HTR1D: variants seen among roughly 807,000 people sequenced by gnomAD.
HTR1D encodes the protein 5-hydroxytryptamine receptor 1D.
Under a neutral mutation model 21.1 loss-of-function variants are expected in HTR1D, and 18 were observed. That is an observed-to-expected ratio of 0.85 (90% CI 0.59 to 1.27). The LOEUF is 1.27. Among genes scored for constraint, HTR1D ranks in the 50% most tolerant of loss-of-function variants. HTR1D has a pLI of 0.00. For missense variants in HTR1D, 456 were observed against 481.4 expected, an observed-to-expected ratio of 0.95 and a Z score of 0.49; for synonymous variants, 196 against 204.4, an observed-to-expected ratio of 0.96 and a Z score of 0.35.
chr1:23,201,193 G>A (rs901306030), intron 1 of HTR1D, among the ~76,000 whole-genome samples: 1 of 152,198 alleles, frequency 6.6e-6, no homozygotes, highest in Non-Finnish European at 1.5e-5. Flanking sequence ...GAAGATGGGG[G>A]AAGATAAATC....
At chr1:23,198,708 T>A (rs570075715) in intron 1 of HTR1D, among the ~76,000 whole-genome samples, 6 of 152,268 alleles carry the variant, frequency 3.9e-5, no homozygotes, top group African/African-American at 1.2e-4. Context: ...CATACCAAAA[T>A]GGTGATTGTC....
intron 1 of HTR1D, among the ~76,000 whole-genome samples, chr1:23,215,655 C>G (rs1644770964): frequency 6.6e-6 from 1 of 152,294 alleles, no homozygotes; most frequent in Admixed American, 6.5e-5. Flanking sequence ...AGGGATGAGC[C>G]AGTGGTCCCG....
intron 1 of HTR1D, among the ~76,000 whole-genome samples, chr1:23,216,893 C>A (rs1226892841): frequency 6.6e-6 from 1 of 152,132 alleles, no homozygotes; most frequent in Non-Finnish European, 1.5e-5. Flanking sequence ...TCCGCGGCGC[C>A]GCGCCCGAAC....
At chr1:23,195,499 C>T (rs1183065445) in intron 1 of HTR1D, among the ~76,000 whole-genome samples, 3 of 151,654 alleles carry the variant, frequency 2.0e-5, no homozygotes, top group Non-Finnish European at 4.4e-5. Context: ...AGTGCAGTGA[C>T]GCAATCTCGG....
intron 1 of HTR1D, among the ~76,000 whole-genome samples, chr1:23,207,009 C>T (rs545596235): frequency 1.3e-5 from 2 of 152,258 alleles, no homozygotes; most frequent in African/African-American, 2.4e-5. Flanking sequence ...GTTCCTCCTC[C>T]GAGCCTCAGT....
chr1:23,196,355 AAT>A (rs1449051905), intron 1 of HTR1D, among the ~76,000 whole-genome samples: 1 of 151,818 alleles, frequency 6.6e-6, no homozygotes, highest in Non-Finnish European at 1.5e-5. Context: ...GAGGCAGGGG[AAT>A]TGCTTGAACC....
At chr1:23,203,174 C>G (rs1019122702) in intron 1 of HTR1D, among the ~76,000 whole-genome samples, 1 of 152,170 alleles carries the variant, frequency 6.6e-6, no homozygotes, top group Non-Finnish European at 1.5e-5. Flanking sequence ...GCTGGGATTA[C>G]AGGCATCAGC....
At chr1:23,204,178 T>G (rs977023467) in intron 1 of HTR1D, among the ~76,000 whole-genome samples, 2 of 151,562 alleles carry the variant, frequency 1.3e-5, no homozygotes, top group Non-Finnish European at 2.9e-5. Flanking sequence ...CAGGCTGGAG[T>G]GCAGTGGCAC....
Position 23,193,861 on chromosome 1 carries a change from G to C in HTR1D, c.359C>G (p.Thr120Arg). ...ATGCAGGATGGAGGCTGTGCAGCAC[G>C]TGATGTCAGAGGACAGCCAGATGTC... ...LCDIWLSSDI[T>R]CCTASILHLC... The change falls in exon 2 of 2, where the codon ACG becomes AGG. Residue 120 changes from threonine to arginine, a missense_variant. Thr to Arg is a moderately conservative substitution (Grantham distance 71). Transcript: ENST00000374619. 1 of 1,614,232 alleles carries C rather than the reference G, an allele frequency of 6.2e-7. No individual in the cohort carries two copies. The highest frequency in any genetic ancestry group is 1.1e-5 in the South Asian group (1 of 91,082).
chr1:23,200,034 G>GAAAATCTCATATATTCTCAATCTCAA (rs1644704064), intron 1 of HTR1D, among the ~76,000 whole-genome samples: 1 of 152,042 alleles, frequency 6.6e-6, no homozygotes, highest in Non-Finnish European at 1.5e-5. Flanking sequence ...AATCTATTTT[G>GAAAATCTCATATATTCTCAATCTCAA]TATATTATGA....
At position 23,193,246 on chromosome 1, in the gene HTR1D, G is replaced by C; in HGVS notation, c.974C>G (p.Pro325Arg). The C allele has an allele frequency of 1.2e-6, 2 of 1,614,162 alleles. No individual in the cohort carries two copies. The highest frequency in any genetic ancestry group is 1.1e-5 in the South Asian group (1 of 91,086). Residue 325 changes from proline to arginine, a missense_variant, in exon 2 of 2, where the codon CCC (proline) becomes CGC (arginine). By Grantham distance (103) the Pro-to-Arg change is moderately radical. Coordinates refer to ENST00000374619, the MANE Select transcript of HTR1D (RefSeq NM_000864.5). The part of the protein sequence containing the change: ...LPFFVVSLVL[P>R]ICRDSCWIHP... ...GATCCAGCAGGAGTCCCGGCAGATG[G>C]GGAGGACCAGAGACACCACGAAGAA...
rs1644672779 is a variant in HTR1D at position 23,193,834 on chromosome 1, A to G, written c.386T>C (p.Leu129Pro). Residue 129 changes from leucine to proline, a missense_variant, in exon 2 of 2, where the codon CTC (leucine) becomes CCC (proline). Leu to Pro is a moderately conservative substitution (Grantham distance 98). Coordinates refer to ENST00000374619, the MANE Select transcript of HTR1D (RefSeq NM_000864.5). ...GTACCTGTCCAGAGCAATGACACAG[A>G]GATGCAGGATGGAGGCTGTGCAGCA... ...ITCCTASILH[L>P]CVIALDRYWA... The G allele has an allele frequency of 6.2e-7, 1 of 1,614,078 alleles. No homozygotes were observed. Among genetic ancestry groups the G allele is most frequent in the Non-Finnish European group, 8.5e-7 (1 of 1,180,044 alleles).
At chr1:23,206,926 C>T (rs904134097) in intron 1 of HTR1D, among the ~76,000 whole-genome samples, 3 of 152,182 alleles carry the variant, frequency 2.0e-5, no homozygotes, top group East Asian at 1.9e-4. Context: ...ACAGAGCACA[C>T]GCCTGAGAGG....
At chr1:23,201,323 A>G (rs1644708458) in intron 1 of HTR1D, among the ~76,000 whole-genome samples, 1 of 152,182 alleles carries the variant, frequency 6.6e-6, no homozygotes, top group Non-Finnish European at 1.5e-5. Context: ...GAGGGGCAGG[A>G]GAATGGAGCA....
At chr1:23,196,556 A>G (rs1644689563) in intron 1 of HTR1D, among the ~76,000 whole-genome samples, 1 of 152,066 alleles carries the variant, frequency 6.6e-6, no homozygotes, top group African/African-American at 2.4e-5. Flanking sequence ...AGGAGAGGGG[A>G]AAGCCTCAGT....
chr1:23,203,447 A>C (rs549380398), intron 1 of HTR1D, among the ~76,000 whole-genome samples: 1 of 152,306 alleles, frequency 6.6e-6, no homozygotes, highest in South Asian at 2.1e-4. Context: ...ACTTGAGGCC[A>C]GGAGTTTGAG....
At chr1:23,208,595 GA>G (rs918930813) in intron 1 of HTR1D, among the ~76,000 whole-genome samples, 19 of 141,678 alleles carry the variant, frequency 1.3e-4, no homozygotes, top group South Asian at 4.5e-4. Flanking sequence ...AAGAAAGAAA[GA>G]AAAAAAAAAT....
chr1:23,208,559 G>C (rs906609723), intron 1 of HTR1D, among the ~76,000 whole-genome samples: 1 of 146,236 alleles, frequency 6.8e-6, no homozygotes, highest in Non-Finnish European at 1.5e-5. Flanking sequence ...CAACAAGAGC[G>C]AAACCCCATC....
intron 1 of HTR1D, among the ~76,000 whole-genome samples, chr1:23,208,177 C>T: frequency 6.6e-6 from 1 of 152,096 alleles, no homozygotes. Context: ...TGCCTGAATC[C>T]CAGCACTTTC....
Sources: allele counts gnomAD v4.1 joint callset (sites outside exome capture counted in the v4.1 genomes callset), GRCh38; gene constraint gnomAD v4.1.1; transcripts MANE v1.5; gene names NCBI Gene and HGNC (gene_info 2026-07-23, HGNC 2026-07-21).